Variants in MACROD1 observed in about 807,000 individuals in gnomAD.
The protein encoded by MACROD1 is mono-ADP ribosylhydrolase 1, also known as ADP-ribose glycohydrolase MACROD1.
In MACROD1, 31 loss-of-function variants were observed where a neutral mutation model predicts 41.4. That is an observed-to-expected ratio of 0.75 (90% CI 0.56 to 1.01). The LOEUF (loss-of-function observed/expected upper bound fraction) is 1.01. MACROD1 is among the 50% of genes least tolerant of loss of function. MACROD1 has a pLI of 0.00. For synonymous variants in MACROD1, 252 were observed against 203.4 expected, an observed-to-expected ratio of 1.24 and a Z score of -2.03; for missense variants, 473 against 460.0, an observed-to-expected ratio of 1.03 and a Z score of -0.26.
At chr11:64,029,579 ACT>A (rs1427990292) in intron 3 of MACROD1, among the ~76,000 whole-genome samples, 3 of 150,840 alleles carry the variant, frequency 2.0e-5, no homozygotes, top group Admixed American at 1.3e-4. Flanking sequence ...CCTGCCACAG[ACT>A]CTGCACCATC....
At chr11:64,040,122 A>G (rs1159363724) in intron 3 of MACROD1, among the ~76,000 whole-genome samples, 1 of 152,208 alleles carries the variant, frequency 6.6e-6, no homozygotes, top group African/African-American at 2.4e-5. Context: ...TGGGGAACAA[A>G]AGCAGTGGGT....
At chr11:64,154,711 G>C (rs528023912) in intron 1 of MACROD1, among the ~76,000 whole-genome samples, 4 of 152,092 alleles carry the variant, frequency 2.6e-5, no homozygotes, top group Non-Finnish European at 5.9e-5. Context: ...GTTTGCTTTT[G>C]TTTACACTTA....
At chr11:64,019,903 G>A (rs113375663) in intron 3 of MACROD1, among the ~76,000 whole-genome samples, 683 of 152,236 alleles carry the variant, frequency 4.5e-3, no homozygotes, top group Admixed American at 7.7e-3. Flanking sequence ...GGAGGGGCAC[G>A]GGGACGTGCA....
In MACROD1 at chr11:64,049,922, G is replaced by T. The variant is rs554226405; in HGVS notation, c.518-34641C>A. Among the ~76,000 whole-genome samples, 82 of 152,318 alleles carry T rather than the reference G, an allele frequency of 5.4e-4. 3 individuals carry two copies. In the South Asian group the frequency reaches 0.017, roughly 31 times the overall value. The stretch of plus-strand genomic sequence containing the variant: ...CCCAGACCAAGACGCTGTGGCCCCG[G>T]GGGGGAGGCCAAACCTCTCTCAGAG... On this transcript the variant is annotated intron_variant, in intron 3 of 10. Coordinates refer to ENST00000255681, the MANE Select transcript of MACROD1 (RefSeq NM_014067.4).
chr11:64,058,412 G>T (rs1467403656), intron 3 of MACROD1, among the ~76,000 whole-genome samples: 1 of 152,172 alleles, frequency 6.6e-6, no homozygotes, highest in Non-Finnish European at 1.5e-5. Flanking sequence ...TTGGGGGGGG[G>T]TCCTCCCCTG....
intron 3 of MACROD1, among the ~76,000 whole-genome samples, chr11:64,079,353 G>A (rs916517988): frequency 6.6e-6 from 1 of 151,974 alleles, no homozygotes; most frequent in African/African-American, 2.4e-5. Flanking sequence ...TACGGTTAAA[G>A]GGGAGACAGA....
In MACROD1 at chr11:64,036,069, G is replaced by A. The variant is rs1323936718; in HGVS notation, c.518-20788C>T. 1.3e-5 allele frequency: 2 copies of A among 151,138 alleles called. No homozygotes were observed. Among genetic ancestry groups the A allele is most frequent in the Non-Finnish European group, 3.0e-5 (2 of 67,726 alleles). 9.4% of individuals were successfully genotyped at this position (151,138 alleles called of 1,614,324 possible). A position where few individuals can be genotyped will look rare whatever the true frequency, so the allele number is the denominator to read the frequency against. On this transcript the variant is annotated intron_variant, in intron 3 of 10. Transcript: ENST00000255681. This position sits in a 1 kb window ranked among gnomAD's most constrained non-coding sequence, Gnocchi z 5.6. ...GCCCCCCTGGGCGCCCTCCGGCTCT[G>A]GTTCCCGCCCGCTCCTTGGAATAAC...
intron 1 of MACROD1, among the ~76,000 whole-genome samples, chr11:64,164,201 G>A (rs1320993631): frequency 6.6e-6 from 1 of 152,190 alleles, no homozygotes; most frequent in African/African-American, 2.4e-5. Context: ...TGACCACCTA[G>A]GGGGCGTTCA....
intron 3 of MACROD1, chr11:64,149,152 G>C: frequency 7.7e-6 from 3 of 387,102 alleles, no homozygotes; most frequent in South Asian, 1.1e-4. Context: ...GCACCGCTGG[G>C]ACAGGGGTGA....
At chr11:64,027,886 T>C (rs922632301) in intron 3 of MACROD1, among the ~76,000 whole-genome samples, 1 of 152,236 alleles carries the variant, frequency 6.6e-6, no homozygotes, top group Admixed American at 6.5e-5. Context: ...ACAGCTGAAT[T>C]GTCACTTTGC....
In MACROD1 at chr11:64,036,012, G is replaced by T. The variant is rs544858159; in HGVS notation, c.518-20731C>A. 830 of 151,126 alleles carry T rather than the reference G, an allele frequency of 5.5e-3. 1 individual carries two copies. Among genetic ancestry groups the T allele is most frequent in the South Asian group, 0.025 (125 of 4,932 alleles). The allele number at this position is 151,126 out of a possible 1,614,324, so 9.4% of individuals were successfully genotyped here. A position where few individuals can be genotyped will look rare whatever the true frequency, so the allele number is the denominator to read the frequency against. On this transcript the variant is annotated intron_variant, in intron 3 of 10. Coordinates refer to ENST00000255681, the MANE Select transcript of MACROD1 (RefSeq NM_014067.4). The surrounding 1 kb of genome is among the most constrained non-coding windows in gnomAD (Gnocchi z 5.6). ...CCCCCCGCTCCGGGCCCGCCACCGT[G>T]CTCTGCCGCGCGCCGGGGGCTCCTC...
rs540833764 is a variant in MACROD1 at position 64,133,230 on chromosome 11, C to T, written c.517+18009G>A. 2.0e-4 allele frequency among the ~76,000 whole-genome samples: 30 copies of T among 152,346 alleles called. 1 individual carries two copies. In the South Asian group the frequency reaches 5.8e-3, roughly 29 times the overall value. ...AGCAAGGACTGGGTCTTAATCACTTCGTGCCCTTTGAATGCAGAAAGGAAG... is the reference window on the plus strand; with the variant it reads ...AGCAAGGACTGGGTCTTAATCACTTTGTGCCCTTTGAATGCAGAAAGGAAG... On this transcript the variant is annotated intron_variant, in intron 3 of 10. Coordinates refer to ENST00000255681, the MANE Select transcript of MACROD1 (RefSeq NM_014067.4).
chr11:64,091,119 G>A (rs1944482394), intron 3 of MACROD1, among the ~76,000 whole-genome samples: 1 of 135,356 alleles, frequency 7.4e-6, no homozygotes, highest in African/African-American at 2.7e-5. Flanking sequence ...AAGGAGGGAA[G>A]AGAGGGTGGG....
intron 3 of MACROD1, among the ~76,000 whole-genome samples, chr11:64,091,691 T>C (rs1944493763): frequency 6.6e-6 from 1 of 152,164 alleles, no homozygotes; most frequent in South Asian, 2.1e-4. Context: ...GCACAGCTGC[T>C]GAAGTTGCAC....
At position 64,120,251 on chromosome 11, in the gene MACROD1, C is replaced by CTGGGGAA; in HGVS notation, c.517+30987_517+30988insTTCCCCA. Among the ~76,000 whole-genome samples the CTGGGGAA allele has an allele frequency of 6.6e-6, 1 of 152,322 alleles. No homozygotes were observed. The highest frequency in any genetic ancestry group is 2.1e-4 in the South Asian group (1 of 4,828). ...CTAGCCCACGAAATAGGTCCACTCC[C>CTGGGGAA]CAGCCCTGGGGAACAGCCGAGCAGC... On this transcript the variant is annotated intron_variant, in intron 3 of 10. Coordinates refer to ENST00000255681, the MANE Select transcript of MACROD1 (RefSeq NM_014067.4). The surrounding 1 kb of genome is among the most constrained non-coding windows in gnomAD (Gnocchi z 4.5).
At chr11:64,119,500 G>A (rs988608735) in intron 3 of MACROD1, among the ~76,000 whole-genome samples, 3 of 149,140 alleles carry the variant, frequency 2.0e-5, no homozygotes, top group East Asian at 2.0e-4. Context: ...CTCCTAGGAC[G>A]GGTAATTAGC....
chr11:64,091,261 A>C (rs550405487), intron 3 of MACROD1, among the ~76,000 whole-genome samples: 68 of 152,200 alleles, frequency 4.5e-4, no homozygotes, highest in African/African-American at 1.6e-3. Flanking sequence ...GACAGAGTTC[A>C]TCCTGCCTCA....
chr11:64,119,844 A>AT (rs1945066254), intron 3 of MACROD1, among the ~76,000 whole-genome samples: 1 of 152,186 alleles, frequency 6.6e-6, no homozygotes, highest in African/African-American at 2.4e-5. Context: ...GATTAAAACG[A>AT]TGATGAAATA....
chr11:64,045,228 C>T (rs1389446176), intron 3 of MACROD1, among the ~76,000 whole-genome samples: 4 of 104,860 alleles, frequency 3.8e-5, no homozygotes, highest in Admixed American at 2.3e-4. Context: ...AGGAGTGGGG[C>T]GGGTGGTGGG....
Sources: allele counts gnomAD v4.1 joint callset (sites outside exome capture counted in the v4.1 genomes callset), GRCh38; gene constraint gnomAD v4.1.1; non-coding constraint Gnocchi (gnomAD v3.1); transcripts MANE v1.5; gene names NCBI Gene and HGNC (gene_info 2026-07-23, HGNC 2026-07-21).